The following CCL15 variants were observed in gnomAD, a reference collection of about 807,000 sequenced individuals.
CCL15 encodes C-C motif chemokine 15.
Under a neutral mutation model 10.6 loss-of-function variants are expected in CCL15, and 8 were observed. The ratio of observed to expected loss-of-function variants is 0.75; its 90% CI spans 0.44 to 1.36. CCL15 has a LOEUF of 1.36. CCL15 is among the 40% of genes most tolerant of loss of function. The pLI, the probability that CCL15 is intolerant of heterozygous loss-of-function variation, is 0.00. For synonymous variants in CCL15, 51 were observed against 48.8 expected (o/e 1.04, Z -0.19); for missense variants, 128 against 136.6 (o/e 0.94, Z 0.32).
intron 1 of CCL15, among the ~76,000 whole-genome samples, chr17:35,999,232 T>A (rs1323761822): frequency 6.6e-6 from 1 of 152,216 alleles, no homozygotes; most frequent in Non-Finnish European, 1.5e-5. Context: ...CTACAAGTTT[T>A]TCTACACATT....
chr17:35,998,073 C>T (rs1033832955), intron 3 of CCL15, among the ~76,000 whole-genome samples: 1 of 152,190 alleles, frequency 6.6e-6, no homozygotes, highest in South Asian at 2.1e-4. Flanking sequence ...AAGCCTTGTG[C>T]TTGCTTTCTT....
chr17:35,999,373 A>C (rs1192219504), intron 1 of CCL15, among the ~76,000 whole-genome samples: 1 of 151,988 alleles, frequency 6.6e-6, no homozygotes, highest in African/African-American at 2.4e-5. Flanking sequence ...AGAAATATTC[A>C]TGTGTTTGCT....
rs199543550 is a variant in CCL15 at position 35,998,289 on chromosome 17, G to A, written c.239C>T (p.Pro80Leu). 1.0e-4 allele frequency: 167 copies of A among 1,611,738 alleles called. No homozygotes were observed. Among genetic ancestry groups the A allele is most frequent in the Non-Finnish European group, 1.2e-4 (138 of 1,178,030 alleles). Reference protein sequence around the residue: ...YFETSSECSKPGVIFLTKKGR... With the variant: ...YFETSSECSKLGVIFLTKKGR... ...TGAGCTTGGCACTTACATGACACCT[G>A]GCTTGGAGCACTCGCTGCTCGTTTC... is the stretch of plus-strand genomic sequence containing the variant. The change falls in exon 3 of 4, where the codon CCA becomes CTA. Residue 80 changes from proline to leucine, a missense_variant. By Grantham distance (98) the Pro-to-Leu change is moderately conservative. Transcript: ENST00000617897.
chr17:36,000,937 T>A (rs527942893), intron 1 of CCL15, among the ~76,000 whole-genome samples: 1 of 152,336 alleles, frequency 6.6e-6, no homozygotes, highest in East Asian at 1.9e-4. Flanking sequence ...CTTTTTTCAA[T>A]GTCATTGACC....
At chr17:35,999,023 A>G in intron 1 of CCL15, 98 bp from the exon 2 acceptor site, 1 of 995,598 alleles carries the variant, frequency 1.0e-6, no homozygotes, top group South Asian at 1.4e-5. Flanking sequence ...TGAGGCAGAG[A>G]GGCTCTGAAG....
chr17:36,001,447 C>T lies in CCL15; in HGVS notation c.46G>A (p.Val16Ile), dbSNP rs377723237. The change falls in exon 1 of 4, where the codon GTC (valine) becomes ATC (isoleucine). Residue 16 changes from valine (V) to isoleucine (I), a missense_variant. By Grantham distance (29) the Val-to-Ile change is conservative. Coordinates refer to ENST00000617897, the MANE Select transcript of CCL15 (RefSeq NM_032965.6). ...AALSCLMLVA[V>I]LGSQAQFTND... ...GTGAACTGGGCCTGGGATCCAAGGA[C>T]AGCAACAAGCATGAGGCAGGAGAGG... 7 of 1,614,002 alleles carry T rather than the reference C, an allele frequency of 4.3e-6. No homozygotes were observed. Among genetic ancestry groups the T allele is most frequent in the Non-Finnish European group, 5.9e-6 (7 of 1,180,026 alleles).
At chr17:35,998,433 C>T in intron 2 of CCL15, 42 bp from the exon 3 acceptor site, 1 of 1,366,980 alleles carries the variant, frequency 7.3e-7, no homozygotes, top group South Asian at 1.2e-5. Context: ...AATCTTTCTC[C>T]TCGAAAGCAC....
chr17:35,999,241 T>C (rs2089959749), intron 1 of CCL15, among the ~76,000 whole-genome samples: 1 of 152,180 alleles, frequency 6.6e-6, no homozygotes, highest in Non-Finnish European at 1.5e-5. Flanking sequence ...TTTCTACACA[T>C]TTCTGGAATA....
intron 1 of CCL15, among the ~76,000 whole-genome samples, chr17:36,000,537 G>T (rs2089981832): frequency 6.7e-6 from 1 of 149,938 alleles, no homozygotes; most frequent in Admixed American, 6.7e-5. Flanking sequence ...AATTCATAGA[G>T]ATAGCTAAGG....
intron 3 of CCL15, 73 bp downstream of exon 3, chr17:35,998,207 C>T: frequency 1.0e-6 from 1 of 968,544 alleles, no homozygotes; most frequent in East Asian, 2.4e-5. Context: ...GGACGCCCAT[C>T]CGTCGTGTCC....
chr17:35,999,876 G>A (rs1023741581), intron 1 of CCL15, among the ~76,000 whole-genome samples: 4 of 152,132 alleles, frequency 2.6e-5, no homozygotes, highest in Non-Finnish European at 5.9e-5. Context: ...ATGCAGCCAG[G>A]CGTGGTGGCT....
At chr17:36,001,395 G>A in intron 1 of CCL15, 22 bp downstream of exon 1, 1 of 1,613,924 alleles carries the variant, frequency 6.2e-7, no homozygotes, top group Non-Finnish European at 8.5e-7. Flanking sequence ...TGGTCACCTG[G>A]GAGAAAGCTC....
At chr17:36,000,804 C>T (rs2089986295) in intron 1 of CCL15, among the ~76,000 whole-genome samples, 1 of 151,728 alleles carries the variant, frequency 6.6e-6, no homozygotes, top group Non-Finnish European at 1.5e-5. Context: ...TAGGTTGTCC[C>T]TTCCCTCCTG....
chr17:35,997,951 T>C (rs1173722880), intron 3 of CCL15, 91 bp from the exon 4 acceptor site: 6 of 837,746 alleles, frequency 7.2e-6, no homozygotes, highest in Admixed American at 2.0e-5. Flanking sequence ...GATTTCCCAG[T>C]CAACACAGCC....
intron 1 of CCL15, among the ~76,000 whole-genome samples, chr17:35,999,854 C>T (rs958068016): frequency 4.0e-5 from 6 of 151,466 alleles, no homozygotes; most frequent in African/African-American, 1.5e-4. Context: ...CTGTATTATG[C>T]TAAATAGAAA....
chr17:35,998,168 C>T (rs2089939405), intron 3 of CCL15, 112 bp downstream of exon 3: 1 of 706,822 alleles, frequency 1.4e-6, no homozygotes, highest in Non-Finnish European at 2.5e-6. Context: ...TGCCCTGTAT[C>T]TGGCAGGATC....
intron 1 of CCL15, 118 bp from the exon 2 acceptor site, chr17:35,999,043 C>T (rs1377568864): frequency 1.2e-6 from 1 of 802,726 alleles, no homozygotes; most frequent in African/African-American, 1.7e-5. Flanking sequence ...GCTGGACCAC[C>T]ACCACCTGTC....
Position 35,998,356 on chromosome 17 carries a change from T to C in CCL15, c.172A>G (p.Ile58Val). The C allele has an allele frequency of 6.2e-7, 1 of 1,614,088 alleles. No individual in the cohort carries two copies. The highest frequency in any genetic ancestry group is 2.2e-5 in the East Asian group (1 of 44,884). Reference sequence around the variant, plus strand: ...AGTGAACACGGGATGCTTTGTGAGATGTAGGAGGTGCAGCAGTCAGCAGCA... The same window carrying C: ...AGTGAACACGGGATGCTTTGTGAGACGTAGGAGGTGCAGCAGTCAGCAGCA... ...HFAADCCTSY[I>V]SQSIPCSLMK... The change falls in exon 3 of 4, where the codon ATC (isoleucine) becomes GTC (valine). Residue 58 changes from isoleucine (I) to valine (V), a missense_variant. Transcript: ENST00000617897.
intron 2 of CCL15, among the ~76,000 whole-genome samples, 170 bp downstream of exon 2, chr17:35,998,696 G>A (rs1171616664): frequency 1.3e-5 from 2 of 152,222 alleles, no homozygotes; most frequent in South Asian, 2.1e-4. Flanking sequence ...AACAGAGAAG[G>A]CATCTATGGA....
Sources: gnomAD v4.1 joint callset for allele counts (sites outside exome capture counted in the v4.1 genomes callset) on GRCh38, gnomAD v4.1.1 for gene constraint, MANE v1.5 for transcripts, NCBI Gene and HGNC (gene_info 2026-07-23, HGNC 2026-07-21) for gene names.